Variants in CHUK observed in about 807,000 individuals in gnomAD.
The protein encoded by CHUK is inhibitor of nuclear factor kappa-B kinase subunit alpha.
Under a neutral mutation model 104.8 loss-of-function variants are expected in CHUK, and 35 were observed. The ratio of observed to expected loss-of-function variants is 0.33; its 90% CI spans 0.26 to 0.44. The LOEUF is 0.44. Ranked by LOEUF, CHUK falls within the 20% of genes least tolerant of loss-of-function variation. CHUK has a pLI of 1.00. For missense variants in CHUK, 663 were observed against 902.7 expected (o/e 0.73, Z 3.40); for synonymous variants, 276 against 291.9 (o/e 0.95, Z 0.56).
At chr10:100,205,934 CAAAACA>C (rs935088557) in intron 11 of CHUK, among the ~76,000 whole-genome samples, 112 of 152,080 alleles carry the variant, frequency 7.4e-4, no homozygotes, top group African/African-American at 1.3e-3. Context: ...ATCTCAAAAA[CAAAACA>C]AAAACAAAAA....
rs1312178910 is a variant in CHUK, at chr10:100,189,403, T to C, written c.*195A>G. 3.5e-6 allele frequency: 2 copies of C among 573,504 alleles called. No individual in the cohort carries two copies. Among genetic ancestry groups the C allele is most frequent in the Non-Finnish European group, 6.3e-6 (2 of 318,408 alleles). The allele number at this position is 573,504 out of a possible 1,614,324, so 35.5% of individuals were successfully genotyped here. A position where few individuals can be genotyped will look rare whatever the true frequency, so the allele number is the denominator to read the frequency against. On this transcript the variant is annotated 3_prime_UTR_variant, in exon 21 of 21. Transcript: ENST00000370397. ...GACTTTTTCTAAATTCCTGTCTGTT[T>C]AGAGGCTTGAATTACTCAAAACTGT...
intron 16 of CHUK, among the ~76,000 whole-genome samples, chr10:100,196,560 A>C (rs969290807): frequency 6.6e-6 from 1 of 151,788 alleles, no homozygotes; most frequent in Non-Finnish European, 1.5e-5. Context: ...GCTTTTTAAA[A>C]ATTTTATTGA....
In CHUK at chr10:100,229,588, G is replaced by T; in HGVS notation, c.-56C>A. 1.9e-6 allele frequency: 2 copies of T among 1,042,342 alleles called. No homozygotes were observed. The highest frequency in any genetic ancestry group is 2.8e-6 in the Non-Finnish European group (2 of 719,614). The allele number at this position is 1,042,342 out of a possible 1,614,324, so 64.6% of individuals were successfully genotyped here. A position where few individuals can be genotyped will look rare whatever the true frequency, so the allele number is the denominator to read the frequency against. On this transcript the variant is annotated 5_prime_UTR_variant, in exon 1 of 21. Coordinates refer to ENST00000370397, the MANE Select transcript of CHUK (RefSeq NM_001278.5). ...ACAGTTGTTCCAAGGCCGGTTCCGG[G>T]CCGCCGATGCTCGCGCGTCTTTGTT...
Position 100,222,200 on chromosome 10 carries a change from CT to C in CHUK, c.316-20del. 6 of 1,501,232 alleles carry C rather than the reference CT, an allele frequency of 4.0e-6. No individual in the cohort carries two copies. The highest frequency in any genetic ancestry group is 5.5e-6 in the Non-Finnish European group (6 of 1,083,034). 93.0% of individuals were successfully genotyped at this position (1,501,232 alleles called of 1,614,324 possible). ...TGAGCAGCTAAAAAAAGAAAGAAAT[CT>C]AAAAATCTGTTCTGCAAATTGCTGG... On this transcript the variant is annotated intron_variant, in intron 3 of 20. Transcript: ENST00000370397.
chr10:100,202,190 T>A, intron 13 of CHUK, 41 bp from the exon 14 acceptor site: 1 of 1,325,184 alleles, frequency 7.5e-7, no homozygotes, highest in Non-Finnish European at 1.1e-6. Flanking sequence ...GAAATAGCCA[T>A]ATCTTTAATT....
chr10:100,201,786 G>A (rs538488208), intron 14 of CHUK, among the ~76,000 whole-genome samples: 17 of 152,288 alleles, frequency 1.1e-4, no homozygotes, highest in African/African-American at 3.4e-4. Flanking sequence ...CTGGGAAGTC[G>A]AGGCTGCAGT....
Position 100,220,694 on chromosome 10 carries a change from T to G in CHUK, c.386-18A>C, listed in dbSNP as rs374575744. 2 of 1,542,680 alleles carry G rather than the reference T, an allele frequency of 1.3e-6. No homozygotes were observed. The highest frequency in any genetic ancestry group is 1.8e-6 in the Non-Finnish European group (2 of 1,115,724). On this transcript the variant is annotated intron_variant, in intron 4 of 20. Transcript: ENST00000370397. ...CCCAGACCCTAAATAAAGTTTAAAA[T>G]ATACTTTAAAGTAACAGAAATCATT... is the stretch of plus-strand genomic sequence containing the variant.
chr10:100,199,629 A>G (rs990793071), intron 16 of CHUK, among the ~76,000 whole-genome samples: 1 of 152,014 alleles, frequency 6.6e-6, no homozygotes, highest in Non-Finnish European at 1.5e-5. Flanking sequence ...AACTGGCCCA[A>G]CCTCTCTAAT....
intron 2 of CHUK, 79 bp downstream of exon 2, chr10:100,225,844 G>A: frequency 3.6e-6 from 3 of 822,262 alleles, no homozygotes; most frequent in Non-Finnish European, 6.5e-6. Flanking sequence ...GAGAAGAGTG[G>A]ATTCCTGGCC....
intron 10 of CHUK, among the ~76,000 whole-genome samples, chr10:100,207,590 C>T (rs1347219478): frequency 1.3e-5 from 2 of 152,050 alleles, no homozygotes; most frequent in South Asian, 2.1e-4. Flanking sequence ...AAAAACTAAT[C>T]GGTAATCAAA....
intron 9 of CHUK, among the ~76,000 whole-genome samples, chr10:100,213,432 G>C (rs1480281779): frequency 2.0e-5 from 3 of 151,622 alleles, no homozygotes; most frequent in Non-Finnish European, 4.4e-5. Context: ...GTTGCAGTGA[G>C]TGGAGATTGC....
intron 19 of CHUK, 79 bp from the exon 20 acceptor site, chr10:100,191,047 T>G: frequency 1.1e-6 from 1 of 883,698 alleles, no homozygotes. Flanking sequence ...GTCTTCTAGG[T>G]TAGCAAGATC....
rs1043616684 is a variant in CHUK, at chr10:100,210,339, G to A, written c.934-550C>T. ...CCTGACCTCGTGATCCGCCCGCCTC[G>A]GCCTCCCAAAGTGCTGGGATTACAG... On this transcript the variant is annotated intron_variant, in intron 9 of 20. Coordinates refer to ENST00000370397, the MANE Select transcript of CHUK (RefSeq NM_001278.5). Among the ~76,000 whole-genome samples the A allele has an allele frequency of 1.1e-4, 16 of 149,392 alleles. 1 individual carries two copies. In the East Asian group the frequency reaches 1.4e-3, roughly 13 times the overall value.
intron 9 of CHUK, among the ~76,000 whole-genome samples, chr10:100,214,602 A>G (rs1266143335): frequency 6.6e-6 from 1 of 152,226 alleles, no homozygotes; most frequent in Non-Finnish European, 1.5e-5. Context: ...ATAATCAGAG[A>G]ATACAATTAA....
Position 100,190,879 on chromosome 10 carries a change from T to G in CHUK, c.2198A>C (p.Asn733Thr). Residue 733 changes from asparagine (N) to threonine (T), a missense_variant, in exon 20 of 21, where the codon AAT (asparagine) becomes ACT (threonine). By Grantham distance (65) the Asn-to-Thr change is moderately conservative (BLOSUM62 0). Transcript: ENST00000370397. ...IIHEANEEQGNSMMNLDWSWL... is the reference protein window; with the variant it reads ...IIHEANEEQGTSMMNLDWSWL... ...CCACACAAAACTTACCATCATACTA[T>G]TGCCCTGTTCCTCATTTGCCTCATG... is the stretch of plus-strand genomic sequence containing the variant. 6.3e-7 allele frequency: 1 copy of G among 1,597,524 alleles called. No homozygotes were observed. Among genetic ancestry groups the G allele is most frequent in the East Asian group, 2.2e-5 (1 of 44,804 alleles).
At chr10:100,200,929 T>C (rs1018560479) in intron 14 of CHUK, 149 bp from the exon 15 acceptor site, 2 of 676,418 alleles carry the variant, frequency 3.0e-6, no homozygotes, top group Non-Finnish European at 5.4e-6. Context: ...TTAAAGCCTT[T>C]CTATTCTTCA....
rs1845802634 is a variant in CHUK at position 100,214,281 on chromosome 10, A to G, written c.933+3714T>C. ...TAGGTACATACTATTGGTACATACT[A>G]TTAAGTGTGTTGTGGTGGTAGTAGT... On this transcript the variant is annotated intron_variant, in intron 9 of 20. Coordinates refer to ENST00000370397, the MANE Select transcript of CHUK (RefSeq NM_001278.5). Among the ~76,000 whole-genome samples, 4 of 152,166 alleles carry G rather than the reference A, an allele frequency of 2.6e-5. No individual in the cohort carries two copies. The South Asian group carries it at 8.3e-4, about 32-fold the overall frequency.
rs1256562544 is a variant in CHUK at position 100,188,455 on chromosome 10, A to G, written c.*1143T>C. On this transcript the variant is annotated 3_prime_UTR_variant, in exon 21 of 21. Transcript: ENST00000370397. ...TTTTAAGACAAATAATATCTTCTAA[A>G]TTACTTAGCAGATGATAGAGGTCCA... is the stretch of plus-strand genomic sequence containing the variant. The G allele has an allele frequency of 6.6e-5, 10 of 152,650 alleles. No homozygotes were observed. The highest frequency in any genetic ancestry group is 1.3e-4 in the Non-Finnish European group (9 of 68,042). 9.5% of individuals were successfully genotyped at this position (152,650 alleles called of 1,614,324 possible).
rs1845278980 is a variant in CHUK at position 100,194,490 on chromosome 10, C to T, written c.1761G>A (p.Val587=). The change falls in exon 17 of 21, where the codon GTG becomes GTA. Residue 587 remains valine (V), a synonymous_variant. Coordinates refer to ENST00000370397, the MANE Select transcript of CHUK (RefSeq NM_001278.5). ...DHSYSDSTEM[V]KIIVHTVQSQ... ...TCTGCACAGTGTGCACAATGATTTT[C>T]ACCATCTCTGTGCTGTCACTGTAGG... is the stretch of plus-strand genomic sequence containing the variant. 6.2e-7 allele frequency: 1 copy of T among 1,613,212 alleles called. No individual in the cohort carries two copies. The highest frequency in any genetic ancestry group is 8.5e-7 in the Non-Finnish European group (1 of 1,179,278).
Sources: allele counts gnomAD v4.1 joint callset (sites outside exome capture counted in the v4.1 genomes callset), GRCh38; gene constraint gnomAD v4.1.1; transcripts MANE v1.5; gene names NCBI Gene and HGNC (gene_info 2026-07-23, HGNC 2026-07-21).